The following RESF1 variants were observed in gnomAD, a reference collection of about 807,000 sequenced individuals.
RESF1 encodes retroelement silencing factor 1.
Under a neutral mutation model 134.7 loss-of-function variants are expected in RESF1, and 65 were observed. The ratio of observed to expected loss-of-function variants is 0.48; its 90% CI spans 0.40 to 0.59. The LOEUF is 0.59. Among genes scored for constraint, RESF1 ranks in the 20% least tolerant of loss-of-function variants. RESF1 has a pLI of 0.00. For missense variants in RESF1, 2,274 were observed against 2,002.7 expected, an observed-to-expected ratio of 1.14 and a Z score of -2.59; for synonymous variants, 762 against 702.2, an observed-to-expected ratio of 1.09 and a Z score of -1.35.
chr12:31,983,694 C>A lies in RESF1; in HGVS notation c.2739C>A (p.Phe913Leu). The change falls in exon 4 of 6, where the codon TTC becomes TTA. Residue 913 changes from phenylalanine to leucine, a missense_variant. By Grantham distance (22) the Phe-to-Leu change is conservative (BLOSUM62 0). Coordinates refer to ENST00000312561, the MANE Select transcript of RESF1 (RefSeq NM_018169.4). ...TSYNSQIAKI[F>L]SSLPLKMVEP... ...ACAATTCCCAAATAGCAAAGATATTCAGCTCTCTTCCCTTGAAAATGGTTG... is the reference window on the plus strand; with the variant it reads ...ACAATTCCCAAATAGCAAAGATATTAAGCTCTCTTCCCTTGAAAATGGTTG... 1 of 1,613,828 alleles carries A rather than the reference C, an allele frequency of 6.2e-7. No homozygotes were observed. Among genetic ancestry groups the A allele is most frequent in the Non-Finnish European group, 8.5e-7 (1 of 1,179,974 alleles).
chr12:31,964,540 C>T (rs2120760101), intron 2 of RESF1, among the ~76,000 whole-genome samples: 2 of 152,208 alleles, frequency 1.3e-5, no homozygotes, highest in Middle Eastern at 3.4e-3. Context: ...CGTTGATGGG[C>T]ATTTAGGTTG....
At position 31,981,392 on chromosome 12, in the gene RESF1, T is replaced by C. The variant is rs1939785290; in HGVS notation, c.437T>C (p.Val146Ala). Residue 146 changes from valine to alanine, a missense_variant, in exon 4 of 6, where the codon GTA becomes GCA. Transcript: ENST00000312561. The stretch of plus-strand genomic sequence containing the variant: ...CATCAAACTGATTTTGGAGCTAACG[T>C]ACCCAATATGCCGGCACTACAGAGT... ...VSHQTDFGAN[V>A]PNMPALQSQL... is the part of the protein sequence containing the mutation. 8.1e-6 allele frequency: 13 copies of C among 1,614,056 alleles called. No individual in the cohort carries two copies. The East Asian group carries it at 2.9e-4, about 36-fold the overall frequency.
chr12:31,980,108 C>CTTTTT (rs61587386), intron 3 of RESF1, among the ~76,000 whole-genome samples: 20 of 114,408 alleles, frequency 1.7e-4, no homozygotes, highest in African/African-American at 4.2e-4. Flanking sequence ...TTTTCTTTTC[C>CTTTTT]TTTTTTTTTT....
rs771824290 is a variant in RESF1 at position 31,983,942 on chromosome 12, G to C, written c.2987G>C (p.Ser996Thr). The change falls in exon 4 of 6, where the codon AGT (serine) becomes ACT (threonine). Residue 996 changes from serine to threonine, a missense_variant. Ser to Thr is a moderately conservative substitution (Grantham distance 58, BLOSUM62 1). Transcript: ENST00000312561. ...ACAAACAGAGTTATTCTAGAGAAAA[G>C]TAGTTTGGAGCATGCCACTGAAAAA... ...LETNRVILEKSSLEHATEKST... is the reference protein window; with the variant it reads ...LETNRVILEKTSLEHATEKST... 29 of 1,613,614 alleles carry C rather than the reference G, an allele frequency of 1.8e-5. No homozygotes were observed. Among genetic ancestry groups the C allele is most frequent in the Non-Finnish European group, 2.5e-5 (29 of 1,179,950 alleles).
At chr12:31,990,003 G>T (rs1176954333) in intron 5 of RESF1, among the ~76,000 whole-genome samples, 1 of 152,158 alleles carries the variant, frequency 6.6e-6, no homozygotes, top group Non-Finnish European at 1.5e-5. Context: ...ATGCCTCTCG[G>T]GTTGGAAGGC....
chr12:31,972,412 C>T (rs887637773), intron 3 of RESF1, among the ~76,000 whole-genome samples: 1 of 151,840 alleles, frequency 6.6e-6, no homozygotes, highest in Non-Finnish European at 1.5e-5. Flanking sequence ...CGAGACCATC[C>T]TGGCTAACAT....
chr12:31,974,793 G>T (rs756639222), intron 3 of RESF1, among the ~76,000 whole-genome samples: 6 of 152,128 alleles, frequency 3.9e-5, no homozygotes, highest in Non-Finnish European at 8.8e-5. Flanking sequence ...CTCCTTAGAA[G>T]TGCTGCTTTT....
At position 31,983,979 on chromosome 12, in the gene RESF1, C is replaced by A; in HGVS notation, c.3024C>A (p.Asn1008Lys). ...LEHATEKSTA[N>K]DTCSSAAIQE... ...ATGCCACTGAAAAAAGCACAGCTAACGATACGTGCTCGTCAGCTGCTATTC... is the reference window on the plus strand; with the variant it reads ...ATGCCACTGAAAAAAGCACAGCTAAAGATACGTGCTCGTCAGCTGCTATTC... Residue 1008 changes from asparagine (N) to lysine (K), a missense_variant, in exon 4 of 6, where the codon AAC (asparagine) becomes AAA (lysine). Coordinates refer to ENST00000312561, the MANE Select transcript of RESF1 (RefSeq NM_018169.4). 6.2e-6 allele frequency: 10 copies of A among 1,613,738 alleles called. No homozygotes were observed. Among genetic ancestry groups the A allele is most frequent in the Non-Finnish European group, 7.6e-6 (9 of 1,179,922 alleles).
At chr12:31,987,719 CTATTTATTTATT>C (rs72099377) in intron 5 of RESF1, among the ~76,000 whole-genome samples, 38 of 147,864 alleles carry the variant, frequency 2.6e-4, no homozygotes, top group Non-Finnish European at 3.9e-4. Context: ...TTCTGATTAA[CTATTTATTTATT>C]TATTTATTTA....
intron 5 of RESF1, among the ~76,000 whole-genome samples, chr12:31,989,670 T>C (rs1940055958): frequency 6.6e-6 from 1 of 151,930 alleles, no homozygotes. Flanking sequence ...TGGCCAACAT[T>C]ATGAAACCCC....
intron 2 of RESF1, among the ~76,000 whole-genome samples, chr12:31,963,933 G>T (rs1386736060): frequency 6.6e-6 from 1 of 152,134 alleles, no homozygotes; most frequent in African/African-American, 2.4e-5. Context: ...TCTTCCATCA[G>T]TTAACAGACG....
rs753759019 is a variant in RESF1, at chr12:31,981,475, A to G, written c.520A>G (p.Thr174Ala). The change falls in exon 4 of 6, where the codon ACA (threonine) becomes GCA (alanine). Residue 174 changes from threonine (T) to alanine (A), a missense_variant. By Grantham distance (58) the Thr-to-Ala change is moderately conservative. Transcript: ENST00000312561. ...MQMQMIPSNS[T>A]RLPVAYQGNQ... The stretch of plus-strand genomic sequence containing the variant: ...AATGCAGATGATCCCTTCTAATTCT[A>G]CACGACTTCCTGTAGCTTACCAAGG... 10 of 1,614,124 alleles carry G rather than the reference A, an allele frequency of 6.2e-6. No individual in the cohort carries two copies. The highest frequency in any genetic ancestry group is 1.7e-5 in the Admixed American group (1 of 60,022).
At position 31,983,160 on chromosome 12, in the gene RESF1, G is replaced by C. The variant is rs780513294; in HGVS notation, c.2205G>C (p.Gln735His). The change falls in exon 4 of 6, where the codon CAG (glutamine) becomes CAC (histidine). Residue 735 changes from glutamine to histidine, a missense_variant. Coordinates refer to ENST00000312561, the MANE Select transcript of RESF1 (RefSeq NM_018169.4). ...ATAAAATAAGTAATCCCTCACAGCA[G>C]ACAGCTTTGTCGATGGTAATGCACA... ...SQNKISNPSQQTALSMVMHNY... is the reference protein window; with the variant it reads ...SQNKISNPSQHTALSMVMHNY... 1.2e-6 allele frequency: 2 copies of C among 1,611,610 alleles called. No individual in the cohort carries two copies. The highest frequency in any genetic ancestry group is 2.2e-5 in the East Asian group (1 of 44,874).
intron 2 of RESF1, chr12:31,962,610 T>G (rs545350677): frequency 6.6e-6 from 1 of 152,354 alleles, no homozygotes; most frequent in East Asian, 1.9e-4. Flanking sequence ...ATCGCAAAGA[T>G]TTAATGACAG....
chr12:31,975,296 G>A (rs959479307), intron 3 of RESF1, among the ~76,000 whole-genome samples: 1 of 151,992 alleles, frequency 6.6e-6, no homozygotes, highest in African/African-American at 2.4e-5. Flanking sequence ...TGAGCTTATA[G>A]TACAGAGCAT....
intron 5 of RESF1, 83 bp from the exon 6 acceptor site, chr12:31,992,295 A>G (rs1246134059): frequency 1.6e-6 from 2 of 1,219,946 alleles, no homozygotes; most frequent in South Asian, 1.4e-5. Context: ...CCTCCAATAT[A>G]TATTTTCCCT....
rs878978434 is a variant in RESF1, at chr12:31,985,536, T to C, written c.4581T>C (p.Ser1527=). 4 of 1,599,206 alleles carry C rather than the reference T, an allele frequency of 2.5e-6. No individual in the cohort carries two copies. Among genetic ancestry groups the C allele is most frequent in the Non-Finnish European group, 2.6e-6 (3 of 1,175,882 alleles). Residue 1527 remains serine, a synonymous_variant, in exon 4 of 6, where the codon TCT becomes TCC. Transcript: ENST00000312561. The part of the protein sequence containing the change: ...KNLKIHHSQE[S]KTYNILRNVK... Reference sequence around the variant, plus strand: ...TCAAAATCCACCATTCTCAGGAGTCTAAAACATACAACATTCTAAGGAATG... The same window carrying C: ...TCAAAATCCACCATTCTCAGGAGTCCAAAACATACAACATTCTAAGGAATG...
chr12:31,962,220 TAAAAA>T (rs33954876), intron 2 of RESF1, among the ~76,000 whole-genome samples: 3 of 132,668 alleles, frequency 2.3e-5, no homozygotes, highest in African/African-American at 8.2e-5. Context: ...TCTGTCTTTT[TAAAAA>T]AAAAAAAAAA....
intron 5 of RESF1, among the ~76,000 whole-genome samples, chr12:31,990,378 G>A (rs1940070588): frequency 4.6e-5 from 7 of 152,198 alleles, no homozygotes; most frequent in Admixed American, 4.6e-4. Context: ...GCAAATAGGT[G>A]AGACCTAAGG....
Sources: gnomAD v4.1 joint callset for allele counts (sites outside exome capture counted in the v4.1 genomes callset) on GRCh38, gnomAD v4.1.1 for gene constraint, MANE v1.5 for transcripts, NCBI Gene and HGNC (gene_info 2026-07-23, HGNC 2026-07-21) for gene names.